PRLR: variants seen among roughly 807,000 people sequenced by gnomAD.
PRLR encodes the protein prolactin receptor.
A neutral mutation model predicts 40.2 loss-of-function variants in PRLR; 13 were observed. That is an observed-to-expected ratio of 0.32 (90% confidence interval 0.21 to 0.51). PRLR has a LOEUF of 0.51. PRLR is among the 20% of genes least tolerant of loss of function. The pLI, the probability that PRLR is intolerant of heterozygous loss-of-function variation, is 0.97. For missense variants in PRLR, 656 were observed against 747.3 expected, an observed-to-expected ratio of 0.88 and a Z score of 1.42; for synonymous variants, 269 against 278.7, an observed-to-expected ratio of 0.97 and a Z score of 0.35.
intron 8 of PRLR, among the ~76,000 whole-genome samples, 176 bp from the exon 9 acceptor site, chr5:35,068,461 T>C (rs1304602578): frequency 6.6e-6 from 1 of 152,164 alleles, no homozygotes; most frequent in Non-Finnish European, 1.5e-5. Context: ...AAATTAACTT[T>C]AGCTAATTAA....
intron 2 of PRLR, among the ~76,000 whole-genome samples, chr5:35,098,748 G>C (rs1771684719): frequency 6.6e-6 from 1 of 152,136 alleles, no homozygotes; most frequent in South Asian, 2.1e-4. Context: ...TTGGCATACT[G>C]GCACTGCTTA....
intron 6 of PRLR, among the ~76,000 whole-genome samples, chr5:35,071,455 A>ATGTG (rs1318261155): frequency 6.6e-6 from 1 of 152,348 alleles, no homozygotes; most frequent in Non-Finnish European, 1.5e-5. Context: ...TAATTTTCCT[A>ATGTG]TGTGTGATCC....
chr5:35,216,841 T>C (rs1011068446), intron 1 of PRLR, among the ~76,000 whole-genome samples: 1 of 152,194 alleles, frequency 6.6e-6, no homozygotes, highest in Non-Finnish European at 1.5e-5. Context: ...AAGACACTGT[T>C]AGGCACTGGG....
rs150409943 is a variant in PRLR at position 35,102,124 on chromosome 5, G to A, written c.-43-12461C>T. On this transcript the variant is annotated intron_variant, in intron 2 of 9. Coordinates refer to ENST00000618457, the MANE Select transcript of PRLR (RefSeq NM_000949.7). ...ATTACAGACGTGAGCCACCACGCCC[G>A]GCCAAACTTTTAATCTATTGGGTGC... Among the ~76,000 whole-genome samples the A allele has an allele frequency of 6.0e-3, 916 of 152,108 alleles. 8 individuals are homozygous for A. Among genetic ancestry groups the A allele is most frequent in the African/African-American group, 0.021 (854 of 41,510 alleles).
chr5:35,186,272 T>A (rs942961717), intron 1 of PRLR, among the ~76,000 whole-genome samples: 3 of 149,456 alleles, frequency 2.0e-5, no homozygotes, highest in Middle Eastern at 3.2e-3. Context: ...TTTAAAAAAA[T>A]TTTTTTTTGC....
chr5:35,124,642 G>A (rs1045529014), intron 1 of PRLR, among the ~76,000 whole-genome samples: 1 of 152,064 alleles, frequency 6.6e-6, no homozygotes, highest in African/African-American at 2.4e-5. Flanking sequence ...TTCCTTGTAC[G>A]AATTTTTGAC....
At chr5:35,215,621 C>A (rs1776265879) in intron 1 of PRLR, among the ~76,000 whole-genome samples, 1 of 152,108 alleles carries the variant, frequency 6.6e-6, no homozygotes, top group Non-Finnish European at 1.5e-5. Context: ...AAAATTAGAG[C>A]TGAGATCTAT....
chr5:35,162,809 G>A (rs1404442241), intron 1 of PRLR, among the ~76,000 whole-genome samples: 3 of 152,188 alleles, frequency 2.0e-5, no homozygotes, highest in African/African-American at 7.2e-5. Flanking sequence ...CCTCTATCCT[G>A]TCTCCATTGT....
intron 1 of PRLR, among the ~76,000 whole-genome samples, chr5:35,188,800 G>A (rs1414981881): frequency 6.6e-6 from 1 of 152,164 alleles, no homozygotes; most frequent in Non-Finnish European, 1.5e-5. Context: ...CCAGCATAAT[G>A]TAACGTTTAC....
chr5:35,202,158 T>C (rs773041629), intron 1 of PRLR, among the ~76,000 whole-genome samples: 2 of 152,206 alleles, frequency 1.3e-5, no homozygotes, highest in Non-Finnish European at 2.9e-5. Flanking sequence ...AACCTACCAA[T>C]TGCTTCTTAC....
Position 35,062,208 on chromosome 5 carries a change from T to A in PRLR, c.*2881A>T, listed in dbSNP as rs990296326. ...GTTAGATTAGGATAGAAGGCATTGG[T>A]TGGGATTATCTTTGCAGAAAAATAT... On this transcript the variant is annotated 3_prime_UTR_variant, in exon 10 of 10. Coordinates refer to ENST00000618457, the MANE Select transcript of PRLR (RefSeq NM_000949.7). 1 of 152,146 alleles carries A rather than the reference T, an allele frequency of 6.6e-6. No homozygotes were observed. The highest frequency in any genetic ancestry group is 6.5e-5 in the Admixed American group (1 of 15,270). The allele number at this position is 152,146 out of a possible 1,614,324, so 9.4% of individuals were successfully genotyped here.
chr5:35,136,975 C>CT (rs1048582092), intron 1 of PRLR, among the ~76,000 whole-genome samples: 1 of 150,834 alleles, frequency 6.6e-6, no homozygotes, highest in African/African-American at 2.5e-5. Flanking sequence ...CTAGCTAATA[C>CT]TTTTTCCTGA....
intron 1 of PRLR, among the ~76,000 whole-genome samples, chr5:35,160,469 G>T (rs1260497979): frequency 6.6e-6 from 1 of 152,116 alleles, no homozygotes; most frequent in Non-Finnish European, 1.5e-5. Context: ...GATAACTTTG[G>T]AAGACTTTTA....
chr5:35,177,821 A>G (rs1775189043), intron 1 of PRLR, among the ~76,000 whole-genome samples: 1 of 152,200 alleles, frequency 6.6e-6, no homozygotes, highest in African/African-American at 2.4e-5. Context: ...GCGGATATAT[A>G]GCTAGTAGTG....
At chr5:35,089,127 T>C (rs1771047671) in intron 3 of PRLR, among the ~76,000 whole-genome samples, 1 of 152,212 alleles carries the variant, frequency 6.6e-6, no homozygotes. Flanking sequence ...CAGCAACCTC[T>C]TATATCCCAT....
chr5:35,159,473 C>G (rs1244350943), intron 1 of PRLR, among the ~76,000 whole-genome samples: 1 of 152,202 alleles, frequency 6.6e-6, no homozygotes, highest in Non-Finnish European at 1.5e-5. Flanking sequence ...GAGCCCTCCA[C>G]TCTACTGATA....
rs113711068 is a variant in PRLR at position 35,113,024 on chromosome 5, A to G, written c.-44+5037T>C. On this transcript the variant is annotated intron_variant, in intron 2 of 9. Coordinates refer to ENST00000618457, the MANE Select transcript of PRLR (RefSeq NM_000949.7). ...AGCTCTTTACAATGCATTTTGAGAAAATGTAGAGTTGACCTATGTAGTGGC... is the reference window on the plus strand; with the variant it reads ...AGCTCTTTACAATGCATTTTGAGAAGATGTAGAGTTGACCTATGTAGTGGC... Among the ~76,000 whole-genome samples, 1,504 of 152,252 alleles carry G rather than the reference A, an allele frequency of 9.9e-3. 19 individuals carry two copies. Among genetic ancestry groups the G allele is most frequent in the Middle Eastern group, 0.017 (5 of 294 alleles).
At chr5:35,171,301 T>A (rs942855736) in intron 1 of PRLR, among the ~76,000 whole-genome samples, 3 of 149,346 alleles carry the variant, frequency 2.0e-5, no homozygotes, top group African/African-American at 7.5e-5. Context: ...ATCTGAGAGG[T>A]TTTTGGATTC....
At chr5:35,055,015 T>A (rs1329634505), downstream of PRLR, among the ~76,000 whole-genome samples, 1 of 152,214 alleles carries the variant, frequency 6.6e-6, no homozygotes, top group Middle Eastern at 3.2e-3. Flanking sequence ...AAAATATGAA[T>A]ATTTAAAGAT....
Sources: gnomAD v4.1 joint callset for allele counts (sites outside exome capture counted in the v4.1 genomes callset) on GRCh38, gnomAD v4.1.1 for gene constraint, MANE v1.5 for transcripts, NCBI Gene and HGNC (gene_info 2026-07-23, HGNC 2026-07-21) for gene names.